MTURN: variants seen among roughly 807,000 people sequenced by gnomAD.
MTURN encodes maturin.
MTURN carries 7 observed loss-of-function variants against 14.9 expected under a neutral mutation model. That is an observed-to-expected ratio of 0.47 (90% CI 0.27 to 0.88). The LOEUF (loss-of-function observed/expected upper bound fraction) is 0.88, where lower values mean the gene tolerates loss of function less well. Ranked by LOEUF, MTURN falls within the 40% of genes least tolerant of loss-of-function variation. MTURN has a pLI of 0.14. For synonymous variants in MTURN, 69 were observed against 72.5 expected, an observed-to-expected ratio of 0.95 and a Z score of 0.25; for missense variants, 151 against 174.1, an observed-to-expected ratio of 0.87 and a Z score of 0.75.
intron 2 of MTURN, 99 bp from the exon 3 acceptor site, chr7:30,157,339 T>G (rs1797302563): frequency 1.1e-6 from 1 of 930,068 alleles, no homozygotes; most frequent in Non-Finnish European, 1.5e-6. Flanking sequence ...AGCTGCTGGG[T>G]TAAGTACTCT....
chr7:30,153,819 G>A, intron 2 of MTURN, among the ~76,000 whole-genome samples: 1 of 152,146 alleles, frequency 6.6e-6, no homozygotes, highest in East Asian at 1.9e-4. Context: ...CCTGGTTCAA[G>A]CGATTCTCTC....
intron 1 of MTURN, among the ~76,000 whole-genome samples, chr7:30,138,329 G>C (rs1054997203): frequency 7.2e-5 from 11 of 152,040 alleles, no homozygotes; most frequent in African/African-American, 2.7e-4. Context: ...TACTTAGGCT[G>C]GTCTCGAACT....
chr7:30,145,643 T>C lies in MTURN; in HGVS notation c.163-534T>C, dbSNP rs558996804. 4.6e-5 allele frequency among the ~76,000 whole-genome samples: 7 copies of C among 152,326 alleles called. No homozygotes were observed. In the East Asian group the frequency reaches 1.3e-3, roughly 29 times the overall value. On this transcript the variant is annotated intron_variant, in intron 1 of 2. Transcript: ENST00000324453. ...AAGCCTTTGTTTTCCAGTGACATAG[T>C]GGTGACTTGGTGGGTTCTCTTAAGT...
At chr7:30,148,592 A>G (rs750271360) in intron 2 of MTURN, among the ~76,000 whole-genome samples, 2 of 152,210 alleles carry the variant, frequency 1.3e-5, no homozygotes, top group Non-Finnish European at 2.9e-5. Context: ...TGGGACGGTC[A>G]CGGCAGAGGC....
At chr7:30,147,943 G>A (rs564470084) in intron 2 of MTURN, among the ~76,000 whole-genome samples, 6 of 152,284 alleles carry the variant, frequency 3.9e-5, no homozygotes, top group Admixed American at 1.3e-4. Flanking sequence ...ATATGTTTTG[G>A]GTACCCACTG....
In MTURN at chr7:30,146,195, G is replaced by A. The variant is rs749733883; in HGVS notation, c.181G>A (p.Glu61Lys). The A allele has an allele frequency of 1.9e-6, 3 of 1,614,152 alleles. No homozygotes were observed. The highest frequency in any genetic ancestry group is 2.2e-5 in the South Asian group (2 of 91,082). ...GDNFHVWSES[E>K]DCLPFLQLAQ... The stretch of plus-strand genomic sequence containing the variant: ...CACGCAGCACGTGTGGAGTGAGAGC[G>A]AGGACTGCCTGCCTTTCTTGCAGCT... The change falls in exon 2 of 3, where the codon GAG becomes AAG. Residue 61 changes from glutamate (E) to lysine (K), a missense_variant. Coordinates refer to ENST00000324453, the MANE Select transcript of MTURN (RefSeq NM_152793.3).
At chr7:30,144,315 G>A (rs1797096373) in intron 1 of MTURN, among the ~76,000 whole-genome samples, 1 of 152,200 alleles carries the variant, frequency 6.6e-6, no homozygotes, top group Non-Finnish European at 1.5e-5. Flanking sequence ...GAAATAAGCT[G>A]GAACTTTTAC....
In MTURN at chr7:30,135,199, C is replaced by T. The variant is rs375515182; in HGVS notation, c.63C>T (p.Leu21=). Residue 21 remains leucine, a synonymous_variant, in exon 1 of 3, where the codon CTC becomes CTT. Coordinates refer to ENST00000324453, the MANE Select transcript of MTURN (RefSeq NM_152793.3). ...GGTGCTCCAACACGCCCTTCGAGCT[C>T]ATCGCCACCGAGGAGACCGAACGCA... ...EKWCSNTPFE[L]IATEETERRM... The T allele has an allele frequency of 9.3e-6, 14 of 1,510,268 alleles. No homozygotes were observed. Among genetic ancestry groups the T allele is most frequent in the Non-Finnish European group, 1.2e-5 (14 of 1,127,864 alleles). The allele number at this position is 1,510,268 out of a possible 1,614,324, so 93.6% of individuals were successfully genotyped here.
At chr7:30,138,431 T>C (rs1796999844) in intron 1 of MTURN, among the ~76,000 whole-genome samples, 1 of 152,214 alleles carries the variant, frequency 6.6e-6, no homozygotes, top group Non-Finnish European at 1.5e-5. Context: ...CCATAGTTTC[T>C]ACATCTGTAA....
chr7:30,153,415 C>T (rs924728503), intron 2 of MTURN, among the ~76,000 whole-genome samples: 1 of 152,130 alleles, frequency 6.6e-6, no homozygotes, highest in African/African-American at 2.4e-5. Flanking sequence ...ATTTATTCCC[C>T]AGCGGAAAAC....
chr7:30,159,183 A>C lies in MTURN; in HGVS notation c.*1635A>C, dbSNP rs1797332526. ...AAAAGTCATACTAAAGGTTAATTTCAAGTAAAATGAATTTCCTTCCAAGTA... is the reference window on the plus strand; with the variant it reads ...AAAAGTCATACTAAAGGTTAATTTCCAGTAAAATGAATTTCCTTCCAAGTA... On this transcript the variant is annotated 3_prime_UTR_variant, in exon 3 of 3. Coordinates refer to ENST00000324453, the MANE Select transcript of MTURN (RefSeq NM_152793.3). 1 of 152,228 alleles carries C rather than the reference A, an allele frequency of 6.6e-6. No individual in the cohort carries two copies. 9.4% of individuals were successfully genotyped at this position (152,228 alleles called of 1,614,324 possible). A position where few individuals can be genotyped will look rare whatever the true frequency, so the allele number is the denominator to read the frequency against.
chr7:30,151,933 G>A (rs1797218998), intron 2 of MTURN, among the ~76,000 whole-genome samples: 1 of 152,180 alleles, frequency 6.6e-6, no homozygotes, highest in Non-Finnish European at 1.5e-5. Flanking sequence ...TGGCTGGAGA[G>A]CTGCGGCTTA....
At chr7:30,146,834 G>A (rs1797137829) in intron 2 of MTURN, among the ~76,000 whole-genome samples, 1 of 152,216 alleles carries the variant, frequency 6.6e-6, no homozygotes, top group African/African-American at 2.4e-5. Context: ...ATTTAGGAAT[G>A]TGTATTTCTG....
rs1797327632 is a variant in MTURN at position 30,158,868 on chromosome 7, G to C, written c.*1320G>C. Reference sequence around the variant, plus strand: ...CAACACTAGATTAAACCTAGCATCTGGGGTGGGTACGTTTAAACAGTCACA... The same window carrying C: ...CAACACTAGATTAAACCTAGCATCTCGGGTGGGTACGTTTAAACAGTCACA... On this transcript the variant is annotated 3_prime_UTR_variant, in exon 3 of 3. Transcript: ENST00000324453. The C allele has an allele frequency of 6.6e-6, 1 of 152,128 alleles. No individual in the cohort carries two copies. The highest frequency in any genetic ancestry group is 6.5e-5 in the Admixed American group (1 of 15,276). The allele number at this position is 152,128 out of a possible 1,614,324, so 9.4% of individuals were successfully genotyped here.
chr7:30,161,702 C>CT lies in MTURN; in HGVS notation c.*4155dup, dbSNP rs1371132404. On this transcript the variant is annotated 3_prime_UTR_variant, in exon 3 of 3. Coordinates refer to ENST00000324453, the MANE Select transcript of MTURN (RefSeq NM_152793.3). ...TTAATGCTTAAGCGATCACAGACCC[C>CT]TCTCCCCTGCAGTGGGTGTTAGCTC... 1.3e-5 allele frequency: 2 copies of CT among 152,252 alleles called. No individual in the cohort carries two copies. The highest frequency in any genetic ancestry group is 2.4e-5 in the African/African-American group (1 of 41,456). The allele number at this position is 152,252 out of a possible 1,614,324, so 9.4% of individuals were successfully genotyped here.
intron 2 of MTURN, among the ~76,000 whole-genome samples, chr7:30,146,553 G>GC (rs374605521): frequency 6.6e-6 from 1 of 152,082 alleles, no homozygotes; most frequent in African/African-American, 2.4e-5. Flanking sequence ...CCCTGATGGG[G>GC]GGGGAAGCAA....
intron 1 of MTURN, among the ~76,000 whole-genome samples, chr7:30,144,952 T>C (rs1797107183): frequency 6.7e-6 from 1 of 148,182 alleles, no homozygotes; most frequent in Non-Finnish European, 1.5e-5. Flanking sequence ...TTTTTTTTTT[T>C]GCCAGTGTTT....
In MTURN at chr7:30,162,403, A is replaced by C. The variant is rs1459793958; in HGVS notation, c.*4855A>C. 1 of 152,422 alleles carries C rather than the reference A, an allele frequency of 6.6e-6. No homozygotes were observed. The highest frequency in any genetic ancestry group is 1.5e-5 in the Non-Finnish European group (1 of 68,044). The allele number at this position is 152,422 out of a possible 1,614,324, so 9.4% of individuals were successfully genotyped here. On this transcript the variant is annotated 3_prime_UTR_variant, in exon 3 of 3. Coordinates refer to ENST00000324453, the MANE Select transcript of MTURN (RefSeq NM_152793.3). ...GGCAGATCTTCACTATCCGTGATCC[A>C]GTCTTAATTTGAGCATGAGAGCAAA...
intron 1 of MTURN, among the ~76,000 whole-genome samples, chr7:30,135,619 G>A (rs963454104): frequency 6.6e-6 from 1 of 152,172 alleles, no homozygotes; most frequent in African/African-American, 2.4e-5. Context: ...CCGACCTCGC[G>A]GCCCGTGCGC....
Sources: gnomAD v4.1 joint callset for allele counts (sites outside exome capture counted in the v4.1 genomes callset) on GRCh38, gnomAD v4.1.1 for gene constraint, MANE v1.5 for transcripts, NCBI Gene and HGNC (gene_info 2026-07-23, HGNC 2026-07-21) for gene names.